ATP2A3: variants seen among roughly 807,000 people sequenced by gnomAD.
The protein encoded by ATP2A3 is sarcoplasmic/endoplasmic reticulum calcium ATPase 3.
ATP2A3 carries 61 observed loss-of-function variants against 106.8 expected under a neutral mutation model. The observed-to-expected ratio is 0.57, with a 90% confidence interval of 0.46 to 0.71. The LOEUF (loss-of-function observed/expected upper bound fraction) is 0.71. Among genes scored for constraint, ATP2A3 ranks in the 30% least tolerant of loss-of-function variants. ATP2A3 has a pLI of 0.00. For synonymous variants in ATP2A3, 611 were observed against 609.3 expected, an observed-to-expected ratio of 1.00 and a Z score of -0.04; for missense variants, 1,201 against 1,423.5, an observed-to-expected ratio of 0.84 and a Z score of 2.52.
chr17:3,925,216 C>A lies in ATP2A3; in HGVS notation c.*206G>T. 1.3e-6 allele frequency: 1 copy of A among 742,334 alleles called. No homozygotes were observed. 46.0% of individuals were successfully genotyped at this position (742,334 alleles called of 1,614,324 possible). A position where few individuals can be genotyped will look rare whatever the true frequency, so the allele number is the denominator to read the frequency against. On this transcript the variant is annotated 3_prime_UTR_variant, in exon 21 of 21. Coordinates refer to ENST00000397041, the MANE Select transcript of ATP2A3 (RefSeq NM_005173.4). This position sits in a 1 kb window ranked among gnomAD's most constrained non-coding sequence, Gnocchi z 4.2. ...AGGAGAGTCCAGGAGACAGGAATTACAGACCTCCCAGGCCAGAAGGAAGTG... is the reference window on the plus strand; with the variant it reads ...AGGAGAGTCCAGGAGACAGGAATTAAAGACCTCCCAGGCCAGAAGGAAGTG...
At chr17:3,932,506 C>G (rs1240676073) in intron 17 of ATP2A3, among the ~76,000 whole-genome samples, 3 of 152,232 alleles carry the variant, frequency 2.0e-5, no homozygotes, top group Admixed American at 2.0e-4. Context: ...GTGGCACGAT[C>G]TCAGCTCACT....
rs1374898150 is a variant in ATP2A3, at chr17:3,944,731, G to A, written c.1260C>T (p.Cys420=). The part of the protein sequence containing the change: ...LVELATICAL[C]NDSALDYNEA... ...CGTTGTAGTCCAGAGCCGAGTCGTT[G>A]CACAGGGCGCAGATGGTCGCCAGCT... Residue 420 remains cysteine (C), a synonymous_variant, in exon 10 of 21, where the codon TGC becomes TGT. Coordinates refer to ENST00000397041, the MANE Select transcript of ATP2A3 (RefSeq NM_005173.4). 2 of 1,613,236 alleles carry A rather than the reference G, an allele frequency of 1.2e-6. No homozygotes were observed. Among genetic ancestry groups the A allele is most frequent in the Non-Finnish European group, 1.7e-6 (2 of 1,179,716 alleles).
At position 3,950,779 on chromosome 17, in the gene ATP2A3, C is replaced by T. The variant is rs368756051; in HGVS notation, c.464-6G>A. ...AGCAGGCACTTTGTCCCCCACTGTG[C>T]GGGGAGAATGGCTTGGCTGAGGGTG... is the stretch of plus-strand genomic sequence containing the variant. On this transcript the variant is annotated splice_polypyrimidine_tract_variant and splice_region_variant and intron_variant, in intron 5 of 20. Coordinates refer to ENST00000397041, the MANE Select transcript of ATP2A3 (RefSeq NM_005173.4). 1.5e-4 allele frequency: 240 copies of T among 1,612,358 alleles called. 1 individual carries two copies. The highest frequency in any genetic ancestry group is 1.9e-4 in the Non-Finnish European group (221 of 1,179,702).
intron 10 of ATP2A3, among the ~76,000 whole-genome samples, chr17:3,944,339 G>A (rs1442077932): frequency 3.9e-5 from 6 of 152,044 alleles, no homozygotes; most frequent in Admixed American, 1.3e-4. Context: ...CCACTGCCCC[G>A]GCCACGTGAA....
chr17:3,955,885 T>TA lies in ATP2A3; in HGVS notation c.119-2176_119-2175insT, dbSNP rs767312203. Among the ~76,000 whole-genome samples the TA allele has an allele frequency of 6.0e-4, 86 of 143,134 alleles. 1 individual carries two copies. The East Asian group carries it at 0.013, about 22-fold the overall frequency. The allele number at this position is 143,134 out of a possible 152,430, so 93.9% of individuals were successfully genotyped here. ...CTCCTTTCTCTTATTTTATTTTATT[T>TA]TATTTTTTTTTTTTGAGATGGAGTC... On this transcript the variant is annotated intron_variant, in intron 1 of 20. Coordinates refer to ENST00000397041, the MANE Select transcript of ATP2A3 (RefSeq NM_005173.4). This position sits in a 1 kb window ranked among gnomAD's most constrained non-coding sequence, Gnocchi z 4.2.
Position 3,936,211 on chromosome 17 carries a change from G to A in ATP2A3, c.2524+56C>T. On this transcript the variant is annotated intron_variant, in intron 16 of 20. Coordinates refer to ENST00000397041, the MANE Select transcript of ATP2A3 (RefSeq NM_005173.4). The surrounding 1 kb of genome is among the most constrained non-coding windows in gnomAD (Gnocchi z 5.4). The stretch of plus-strand genomic sequence containing the variant: ...CACACTGTCTGCAGCTTGCAAGCCT[G>A]ATACAAGGCTCTTAGGAAGCTTAGG... 6.3e-7 allele frequency: 1 copy of A among 1,599,048 alleles called. No individual in the cohort carries two copies. Among genetic ancestry groups the A allele is most frequent in the Non-Finnish European group, 8.6e-7 (1 of 1,166,892 alleles).
At chr17:3,962,634 A>AT (rs747442465) in intron 1 of ATP2A3, among the ~76,000 whole-genome samples, 114 of 152,214 alleles carry the variant, frequency 7.5e-4, no homozygotes, top group Non-Finnish European at 1.3e-3. Context: ...ATCTAACCAA[A>AT]TAACAGGTGG....
chr17:3,947,296 C>T lies in ATP2A3; in HGVS notation c.1095+95G>A. On this transcript the variant is annotated intron_variant, in intron 8 of 20. Coordinates refer to ENST00000397041, the MANE Select transcript of ATP2A3 (RefSeq NM_005173.4). The surrounding 1 kb of genome is among the most constrained non-coding windows in gnomAD (Gnocchi z 7.7). ...AGGGACAGCCCACAGATTCTCTCCT[C>T]CATCCCTCACTGAAAAGGAGGTGGG... 1 of 1,446,078 alleles carries T rather than the reference C, an allele frequency of 6.9e-7. No individual in the cohort carries two copies. 89.6% of individuals were successfully genotyped at this position (1,446,078 alleles called of 1,614,324 possible). A position where few individuals can be genotyped will look rare whatever the true frequency, so the allele number is the denominator to read the frequency against.
chr17:3,960,883 G>A (rs774866963), intron 1 of ATP2A3, among the ~76,000 whole-genome samples: 3 of 152,170 alleles, frequency 2.0e-5, no homozygotes, highest in Admixed American at 2.0e-4. Context: ...ATTCACAAGC[G>A]CGTGACATGA....
At chr17:3,956,131 T>C (rs1974611) in intron 1 of ATP2A3, among the ~76,000 whole-genome samples, 74,513 of 151,834 alleles carry the variant, frequency 0.49, 19,393 homozygotes, top group African/African-American at 0.66. Flanking sequence ...ATCCACCCAC[T>C]TCGGCCTCCC....
chr17:3,928,325 A>C lies in ATP2A3; in HGVS notation c.2980+338T>G. The C allele has an allele frequency of 6.2e-7, 1 of 1,612,938 alleles. No homozygotes were observed. Among genetic ancestry groups the C allele is most frequent in the Non-Finnish European group, 8.5e-7 (1 of 1,179,940 alleles). On this transcript the variant is annotated intron_variant, in intron 20 of 20. Coordinates refer to ENST00000397041, the MANE Select transcript of ATP2A3 (RefSeq NM_005173.4). The surrounding 1 kb of genome is among the most constrained non-coding windows in gnomAD (Gnocchi z 6.1). Reference sequence around the variant, plus strand: ...GTCCTGAGAAGGCCTGGATAAAGACAGGCTGGGTGCAGAGGGGTCAGAGGC... The same window carrying C: ...GTCCTGAGAAGGCCTGGATAAAGACCGGCTGGGTGCAGAGGGGTCAGAGGC...
chr17:3,938,482 T>C (rs116201881), intron 14 of ATP2A3, among the ~76,000 whole-genome samples: 3,488 of 151,924 alleles, frequency 0.023, 117 homozygotes, highest in African/African-American at 0.068. Flanking sequence ...AAGCATTACA[T>C]TGGGGGTGGG....
chr17:3,954,299 T>A (rs1273329751), intron 1 of ATP2A3, among the ~76,000 whole-genome samples: 1 of 151,760 alleles, frequency 6.6e-6, no homozygotes, highest in Non-Finnish European at 1.5e-5. Context: ...ACAGCAGGGC[T>A]CCCCTGGACA....
Position 3,945,160 on chromosome 17 carries a change from AG to A in ATP2A3, c.1096-13del. ...GCTACCACGAACATCTGGGGAGCGC[AG>A]GGGCGTGCTTAGGCGGGCGGGGTCG... On this transcript the variant is annotated splice_polypyrimidine_tract_variant and intron_variant, in intron 8 of 20. Coordinates refer to ENST00000397041, the MANE Select transcript of ATP2A3 (RefSeq NM_005173.4). 1 of 1,545,840 alleles carries A rather than the reference AG, an allele frequency of 6.5e-7. No individual in the cohort carries two copies. The highest frequency in any genetic ancestry group is 1.4e-5 in the African/African-American group (1 of 72,932).
chr17:3,945,986 G>A (rs145003951), intron 8 of ATP2A3, among the ~76,000 whole-genome samples: 3 of 152,186 alleles, frequency 2.0e-5, no homozygotes, highest in African/African-American at 7.2e-5. Flanking sequence ...AGTGGCTCAC[G>A]CCTGTAATCC....
chr17:3,941,896 C>A (rs1426587284), intron 12 of ATP2A3, among the ~76,000 whole-genome samples: 2 of 152,178 alleles, frequency 1.3e-5, no homozygotes, highest in African/African-American at 4.8e-5. Flanking sequence ...ACCAACCTAG[C>A]GATGCCCTTC....
intron 5 of ATP2A3, 75 bp from the exon 6 acceptor site, chr17:3,950,848 A>G (rs2144637666): frequency 6.9e-7 from 1 of 1,445,868 alleles, no homozygotes; most frequent in Non-Finnish European, 9.6e-7. Flanking sequence ...GGGTTCCCAG[A>G]ACCCAAGGCT....
Position 3,947,342 on chromosome 17 carries a change from C to G in ATP2A3, c.1095+49G>C. On this transcript the variant is annotated intron_variant, in intron 8 of 20. Transcript: ENST00000397041. This position sits in a 1 kb window ranked among gnomAD's most constrained non-coding sequence, Gnocchi z 7.7. ...GTGGGGGAGAGACCCAGAGAGGGAG[C>G]CCAGCCTGCTCTGCAACGCACAGCA... 1.9e-6 allele frequency: 3 copies of G among 1,606,784 alleles called. No individual in the cohort carries two copies. Among genetic ancestry groups the G allele is most frequent in the Non-Finnish European group, 2.6e-6 (3 of 1,174,992 alleles).
At position 3,945,053 on chromosome 17, in the gene ATP2A3, C is replaced by T; in HGVS notation, c.1184+7G>A. 6.5e-7 allele frequency: 1 copy of T among 1,538,380 alleles called. No individual in the cohort carries two copies. ...CCCGCCCGCGCGTCCCCTGGCCCCG[C>T]ACTCACACTTCGCCCTCGGGGGTAT... On this transcript the variant is annotated splice_region_variant and intron_variant, in intron 9 of 20. Coordinates refer to ENST00000397041, the MANE Select transcript of ATP2A3 (RefSeq NM_005173.4).
Sources: gnomAD v4.1 joint callset for allele counts (sites outside exome capture counted in the v4.1 genomes callset) on GRCh38, gnomAD v4.1.1 for gene constraint, Gnocchi (gnomAD v3.1) non-coding constraint, MANE v1.5 for transcripts, NCBI Gene and HGNC (gene_info 2026-07-23, HGNC 2026-07-21) for gene names.